Variants in NAPRT observed in about 807,000 individuals in gnomAD.
NAPRT encodes FHA-HIT-interacting protein.
In NAPRT, 66 loss-of-function variants were observed where a neutral mutation model predicts 60.7. That is an observed-to-expected ratio of 1.09 (90% CI 0.89 to 1.33). The LOEUF (loss-of-function observed/expected upper bound fraction) is 1.33, where lower values mean the gene tolerates loss of function less well. Among genes scored for constraint, NAPRT ranks in the 40% most tolerant of loss-of-function variants. NAPRT has a pLI of 0.00. For missense variants in NAPRT, 818 were observed against 731.5 expected, an observed-to-expected ratio of 1.12 and a Z score of -1.36; for synonymous variants, 405 against 335.7, an observed-to-expected ratio of 1.21 and a Z score of -2.26.
At position 143,577,357 on chromosome 8, in the gene NAPRT, C is replaced by T. The variant is rs1824547390; in HGVS notation, c.480G>A (p.Gly160=). 6.2e-7 allele frequency: 1 copy of T among 1,607,968 alleles called. No homozygotes were observed. Among genetic ancestry groups the T allele is most frequent in the Non-Finnish European group, 8.5e-7 (1 of 1,178,208 alleles). ...TNAARLRLIA[G]PEKRLLEMGL... is the part of the protein sequence containing the mutation. ...CCATCTCTAGCAGCCGCTTCTCTGGCCCTGCGATCAAGCGAAGCCGCGCTG... is the reference window on the plus strand; with the variant it reads ...CCATCTCTAGCAGCCGCTTCTCTGGTCCTGCGATCAAGCGAAGCCGCGCTG... The change falls in exon 4 of 13, where the codon GGG becomes GGA. Residue 160 remains glycine, a synonymous_variant. Coordinates refer to ENST00000449291, the MANE Select transcript of NAPRT (RefSeq NM_145201.6).
At chr8:143,573,194 C>T (rs895664201), downstream of NAPRT, among the ~76,000 whole-genome samples, 3 of 151,578 alleles carry the variant, frequency 2.0e-5, no homozygotes, top group African/African-American at 7.3e-5. Context: ...TGGCCCCGCC[C>T]CCTGCACGCT....
Position 143,577,384 on chromosome 8 carries a change from G to A in NAPRT, c.453C>T (p.Asn151=), listed in dbSNP as rs567911773. ...CTGCGATCAAGCGAAGCCGCGCTGC[G>A]TTGGTGGCCACCAGGCTGTGGGGAG... ...LVSYASLVAT[N]AARLRLIAGP... is the part of the protein sequence containing the mutation. The change falls in exon 4 of 13, where the codon AAC becomes AAT. Residue 151 remains asparagine (N), a synonymous_variant. Transcript: ENST00000449291. 6.8e-6 allele frequency: 11 copies of A among 1,607,668 alleles called. 1 individual carries two copies. In the South Asian group the frequency reaches 7.8e-5, roughly 11 times the overall value.
rs201161077 is a variant in NAPRT at position 143,576,835 on chromosome 8, G to C, written c.692C>G (p.Ala231Gly). The change falls in exon 6 of 13, where the codon GCG (alanine) becomes GGG (glycine). Residue 231 changes from alanine (A) to glycine (G), a missense_variant. Ala to Gly is a moderately conservative substitution (Grantham distance 60). Transcript: ENST00000449291. ...CCCAGGGCCCTCACCAGCTGCTGGC[G>C]CCAACATCTGTGGAACAGAGTCGGT... ...GSEVPPDPML[A>G]PAAGEGPGVD... The C allele has an allele frequency of 1.3e-6, 2 of 1,597,226 alleles. No homozygotes were observed. Among genetic ancestry groups the C allele is most frequent in the African/African-American group, 2.7e-5 (2 of 74,564 alleles).
At chr8:143,576,381 C>T in intron 7 of NAPRT, 51 bp downstream of exon 7, 2 of 1,565,326 alleles carry the variant, frequency 1.3e-6, no homozygotes, top group Non-Finnish European at 1.7e-6. Context: ...CTGCCCATTC[C>T]CAAACCCCGG....
chr8:143,576,891 G>A (rs1421942247), intron 5 of NAPRT, 49 bp from the exon 6 acceptor site: 2 of 1,547,934 alleles, frequency 1.3e-6, no homozygotes, highest in African/African-American at 1.4e-5. Flanking sequence ...GCAGGATGAG[G>A]CCTGGGAGCA....
Position 143,576,660 on chromosome 8 carries a change from GGT to G in NAPRT, c.865_866del (p.Thr289LeufsTer34). On this transcript the variant is annotated frameshift_variant, in exon 6 of 13. Transcript: ENST00000449291. LOFTEE classifies it high-confidence loss of function. ...FPRAFQGLLD[T>X]YSVWRSGLPN... ...CCCGGGCTCACCTCCACACGCTGTA[GGT>G]GTCCAGGAGGCCCTGGAAGGCCCGG... The G allele has an allele frequency of 6.2e-7, 1 of 1,611,116 alleles. No homozygotes were observed.
Position 143,574,845 on chromosome 8 carries a change from G to A in NAPRT, c.1610C>T (p.Ser537Phe), listed in dbSNP as rs759329041. Reference protein sequence around the residue: ...ALVNSLCAGQSP With the variant: ...ALVNSLCAGQFP The stretch of plus-strand genomic sequence containing the variant: ...TCAGCCCCGCTCCGAGTCTCAGGGG[G>A]ACTGCCCCGCACACAGACTGTTCAC... The change falls in exon 13 of 13, where the codon TCC (serine) becomes TTC (phenylalanine). Residue 537 changes from serine to phenylalanine, a missense_variant. By Grantham distance (155) the Ser-to-Phe change is radical. Coordinates refer to ENST00000449291, the MANE Select transcript of NAPRT (RefSeq NM_145201.6). 15 of 1,550,548 alleles carry A rather than the reference G, an allele frequency of 9.7e-6. No individual in the cohort carries two copies. The African/African-American group carries it at 1.8e-4, about 18-fold the overall frequency.
In NAPRT at chr8:143,574,944, G is replaced by A. The variant is rs1394322727; in HGVS notation, c.1554+42C>T. 5 of 1,549,642 alleles carry A rather than the reference G, an allele frequency of 3.2e-6. No individual in the cohort carries two copies. The East Asian group carries it at 1.2e-4, about 38-fold the overall frequency. The stretch of plus-strand genomic sequence containing the variant: ...AGGAGCGGTGGGCAGGGTGAGGGCG[G>A]GGGCGCACAGGGCAGAATGACAGGG... On this transcript the variant is annotated intron_variant, in intron 12 of 12. Transcript: ENST00000449291.
In NAPRT at chr8:143,576,517, G is replaced by A. The variant is rs374121375; in HGVS notation, c.937C>T (p.Arg313Trp). 83 of 1,612,164 alleles carry A rather than the reference G, an allele frequency of 5.1e-5. 1 individual carries two copies. The highest frequency in any genetic ancestry group is 5.6e-5 in the Non-Finnish European group (66 of 1,179,708). The change falls in exon 7 of 13, where the codon CGG (arginine) becomes TGG (tryptophan). Residue 313 changes from arginine (R) to tryptophan (W), a missense_variant. Transcript: ENST00000449291. ...CTGTCCAGCCTCACGCCCACTGCCC[G>A]GTAGCCCAGCTCTCCCAGGGCCAGG... is the stretch of plus-strand genomic sequence containing the variant. ...VALALGELGYRAVGVRLDSGD... is the reference protein window; with the variant it reads ...VALALGELGYWAVGVRLDSGD...
At chr8:143,576,402 C>T (rs772923479) in intron 7 of NAPRT, 30 bp downstream of exon 7, 1 of 1,581,858 alleles carries the variant, frequency 6.3e-7, no homozygotes, top group Admixed American at 1.7e-5. Flanking sequence ...GGATCTCCCA[C>T]CAGGCACACC....
rs1247997832 is a variant in NAPRT, at chr8:143,577,271, C to G, written c.566G>C (p.Gly189Ala). 1 of 1,609,358 alleles carries G rather than the reference C, an allele frequency of 6.2e-7. No homozygotes were observed. Residue 189 changes from glycine to alanine, a missense_variant and splice_region_variant, in exon 4 of 13, where the codon GGC becomes GCC. Gly to Ala is a moderately conservative substitution (Grantham distance 60, BLOSUM62 0). Coordinates refer to ENST00000449291, the MANE Select transcript of NAPRT (RefSeq NM_145201.6). ...CTTGCCCCGCACCAGACACTCACCG[C>G]CCAGGTAGCTGTAGGTGGAGGCTGT... Reference protein sequence around the residue: ...GLTASTYSYLGGFDSSSNVLA... With the variant: ...GLTASTYSYLAGFDSSSNVLA...
In NAPRT at chr8:143,576,708, C is replaced by T. The variant is rs763058757; in HGVS notation, c.819G>A (p.Val273=). The T allele has an allele frequency of 3.7e-6, 6 of 1,610,606 alleles. No individual in the cohort carries two copies. The highest frequency in any genetic ancestry group is 2.2e-5 in the South Asian group (2 of 90,872). Residue 273 remains valine, a synonymous_variant, in exon 6 of 13, where the codon GTG becomes GTA. Transcript: ENST00000449291. ...CCCGGGGAAAAGCCAAGGCATAGGC[C>T]ACAAAGGCTGCCCGCTCGCCTGGAT... is the stretch of plus-strand genomic sequence containing the variant. The part of the protein sequence containing the change: ...EPHPGERAAF[V]AYALAFPRAF...
chr8:143,576,056 C>G, intron 8 of NAPRT, 22 bp downstream of exon 8: 1 of 1,555,704 alleles, frequency 6.4e-7, no homozygotes. Context: ...CCACCCTCCG[C>G]CTACCCACTC....
At chr8:143,574,631 G>C, downstream of NAPRT, 2 of 669,424 alleles carry the variant, frequency 3.0e-6, no homozygotes, top group South Asian at 3.5e-5. Flanking sequence ...TTCAGCACAG[G>C]GCTGTCTCCC....
Position 143,575,420 on chromosome 8 carries a change from C to T in NAPRT, c.1291+3G>A. 1 of 1,592,170 alleles carries T rather than the reference C, an allele frequency of 6.3e-7. No homozygotes were observed. Among genetic ancestry groups the T allele is most frequent in the Non-Finnish European group, 8.6e-7 (1 of 1,162,952 alleles). On this transcript the variant is annotated splice_donor_region_variant and intron_variant, in intron 10 of 12. Coordinates refer to ENST00000449291, the MANE Select transcript of NAPRT (RefSeq NM_145201.6). The stretch of plus-strand genomic sequence containing the variant: ...GACAGCAGGGGGGATGGGAGGGCCT[C>T]ACCGTCAGAGCCCAGGAGCCGGAAA...
At position 143,574,824 on chromosome 8, in the gene NAPRT, C is replaced by T. The variant is rs1824309978; in HGVS notation, c.*14G>A. 8.4e-6 allele frequency: 13 copies of T among 1,550,568 alleles called. No homozygotes were observed. Among genetic ancestry groups the T allele is most frequent in the African/African-American group, 1.4e-5 (1 of 73,072 alleles). On this transcript the variant is annotated 3_prime_UTR_variant, in exon 13 of 13. Coordinates refer to ENST00000449291, the MANE Select transcript of NAPRT (RefSeq NM_145201.6). ...AGTGATTCGTGTTGTTTCCAGTCAG[C>T]CCCGCTCCGAGTCTCAGGGGGACTG...
rs1264369162 is a variant in NAPRT, at chr8:143,575,271, G to A, written c.1366C>T (p.Pro456Ser). The change falls in exon 11 of 13, where the codon CCT becomes TCT. Residue 456 changes from proline (P) to serine (S), a missense_variant. Coordinates refer to ENST00000449291, the MANE Select transcript of NAPRT (RefSeq NM_145201.6). ...PQAGQELRVWPPGAQEPCTVR... is the reference protein window; with the variant it reads ...PQAGQELRVWSPGAQEPCTVR... Reference sequence around the variant, plus strand: ...GTGCAGGGCTCCTGGGCCCCTGGAGGCCACACCCTCAGCTCCTGCCCAGCC... The same window carrying A: ...GTGCAGGGCTCCTGGGCCCCTGGAGACCACACCCTCAGCTCCTGCCCAGCC... 5.6e-6 allele frequency: 9 copies of A among 1,612,438 alleles called. No individual in the cohort carries two copies. The highest frequency in any genetic ancestry group is 4.4e-5 in the South Asian group (4 of 91,086).
At position 143,577,844 on chromosome 8, in the gene NAPRT, A is replaced by G; in HGVS notation, c.326T>C (p.Leu109Pro). Residue 109 changes from leucine (L) to proline (P), a missense_variant, in exon 2 of 13, where the codon CTG becomes CCG. Leu to Pro is a moderately conservative substitution (Grantham distance 98, BLOSUM62 -3). Coordinates refer to ENST00000449291, the MANE Select transcript of NAPRT (RefSeq NM_145201.6). ...LDCSEVTVRA[L>P]PEGSLAFPGV... is the part of the protein sequence containing the mutation. ...GGGGAAGGCGAGGGAGCCCTCGGGC[A>G]GGGCTCGCACCGTCACCTCGGAGCA... is the stretch of plus-strand genomic sequence containing the variant. The G allele has an allele frequency of 1.2e-6, 2 of 1,611,372 alleles. No homozygotes were observed. Among genetic ancestry groups the G allele is most frequent in the African/African-American group, 2.7e-5 (2 of 74,978 alleles).
intron 1 of NAPRT, 69 bp from the exon 2 acceptor site, chr8:143,578,012 C>A: frequency 6.6e-7 from 1 of 1,517,330 alleles, no homozygotes. Context: ...GGGGGTTCCA[C>A]GGGGGGACAA....
Sources: gnomAD v4.1 joint callset for allele counts (sites outside exome capture counted in the v4.1 genomes callset) on GRCh38, gnomAD v4.1.1 for gene constraint, MANE v1.5 for transcripts, NCBI Gene and HGNC (gene_info 2026-07-23, HGNC 2026-07-21) for gene names.